MPPE1: variants seen among roughly 807,000 people sequenced by gnomAD.
MPPE1 encodes metallo phosphoesterase.
MPPE1 carries 28 observed loss-of-function variants against 43.8 expected under a neutral mutation model. The observed-to-expected ratio is 0.64, with a 90% CI of 0.47 to 0.88. The LOEUF is 0.88. Among genes scored for constraint, MPPE1 ranks in the 40% least tolerant of loss-of-function variants. The pLI, the probability that MPPE1 is intolerant of heterozygous loss-of-function variation, is 0.00. For synonymous variants in MPPE1, 159 were observed against 188.5 expected (o/e 0.84, Z 1.28); for missense variants, 428 against 492.2 (o/e 0.87, Z 1.23).
intron 4 of MPPE1, among the ~76,000 whole-genome samples, chr18:11,892,200 C>T (rs1215613972): frequency 6.6e-6 from 1 of 151,346 alleles, no homozygotes; most frequent in African/African-American, 2.4e-5. Context: ...ATTATCAGGG[C>T]ATGGTGGTGT....
Position 11,885,915 on chromosome 18 carries a change from T to C in MPPE1, c.868-99A>G, listed in dbSNP as rs759185128. The C allele has an allele frequency of 3.4e-6, 4 of 1,183,602 alleles. No homozygotes were observed. In the East Asian group the frequency reaches 1.1e-4, roughly 32 times the overall value. The allele number at this position is 1,183,602 out of a possible 1,614,324, so 73.3% of individuals were successfully genotyped here. A position where few individuals can be genotyped will look rare whatever the true frequency, so the allele number is the denominator to read the frequency against. On this transcript the variant is annotated intron_variant, in intron 9 of 10. Coordinates refer to ENST00000588072, the MANE Select transcript of MPPE1 (RefSeq NM_023075.6). The stretch of plus-strand genomic sequence containing the variant: ...GGCCGCTGGCCATCGCTTCTTTCCT[T>C]AAATTACATACTAAATCCTTATTTT...
intron 4 of MPPE1, among the ~76,000 whole-genome samples, chr18:11,890,796 C>G (rs1476864767): frequency 6.6e-6 from 1 of 152,174 alleles, no homozygotes; most frequent in East Asian, 1.9e-4. Context: ...CCAGTAAGTT[C>G]TTCATGTGTC....
Position 11,900,764 on chromosome 18 carries a change from A to C in MPPE1, c.-92-3408T>G, listed in dbSNP as rs575117700. 8.6e-5 allele frequency among the ~76,000 whole-genome samples: 13 copies of C among 151,530 alleles called. No individual in the cohort carries two copies. The East Asian group carries it at 2.2e-3, about 25-fold the overall frequency. ...CTACTAAAAATACAAAAAATTAGCC[A>C]GGCGTGGTGGCAGACGCCTGTAGTC... On this transcript the variant is annotated intron_variant, in intron 2 of 10. Transcript: ENST00000588072.
intron 3 of MPPE1, among the ~76,000 whole-genome samples, chr18:11,895,793 G>A (rs996595749): frequency 8.6e-5 from 13 of 151,716 alleles, no homozygotes; most frequent in African/African-American, 3.1e-4. Context: ...TCAAATTCCT[G>A]GCCTCAAGCA....
At chr18:11,907,695 G>A (rs1231467081) in intron 1 of MPPE1, among the ~76,000 whole-genome samples, 1 of 145,538 alleles carries the variant, frequency 6.9e-6, no homozygotes, top group Non-Finnish European at 1.5e-5. Flanking sequence ...TTGTTATGGT[G>A]GGGGCGGGGG....
chr18:11,896,164 C>T, intron 3 of MPPE1, among the ~76,000 whole-genome samples: 1 of 131,736 alleles, frequency 7.6e-6, no homozygotes. Flanking sequence ...TGCAGTGGTG[C>T]AATCTCAGCT....
chr18:11,886,754 G>T lies in MPPE1; in HGVS notation c.703C>A (p.Pro235Thr). The change falls in exon 8 of 11, where the codon CCT becomes ACT. Residue 235 changes from proline (P) to threonine (T), a missense_variant. By Grantham distance (38) the Pro-to-Thr change is conservative (BLOSUM62 -1). Transcript: ENST00000588072. This position sits in a 1 kb window ranked among gnomAD's most constrained non-coding sequence, Gnocchi z 4.1. ...GCAGACGTGGGCAGCAGAGGCCCAG[G>T]TCCACACCGGCTGGAGCCACGTGCC... ...REARGSSRCG[P>T]GPLLPTSAPV... is the part of the protein sequence containing the mutation. 1 of 1,613,288 alleles carries T rather than the reference G, an allele frequency of 6.2e-7. No individual in the cohort carries two copies. Among genetic ancestry groups the T allele is most frequent in the South Asian group, 1.1e-5 (1 of 91,070 alleles).
At chr18:11,887,503 A>G (rs2037468218) in intron 6 of MPPE1, among the ~76,000 whole-genome samples, 1 of 152,232 alleles carries the variant, frequency 6.6e-6, no homozygotes, top group South Asian at 2.1e-4. Flanking sequence ...CACAGAGTGC[A>G]TCAGTGACAT....
chr18:11,893,176 G>C, intron 4 of MPPE1: 1 of 321,048 alleles, frequency 3.1e-6, no homozygotes, highest in Non-Finnish European at 5.7e-6. Context: ...TTTCCCAAGA[G>C]GTTCACAAAA....
intron 2 of MPPE1, among the ~76,000 whole-genome samples, chr18:11,903,337 A>C (rs1182749040): frequency 6.6e-6 from 1 of 152,166 alleles, no homozygotes; most frequent in East Asian, 1.9e-4. Context: ...CAGGAAAAAG[A>C]AAGCCACAGA....
intron 2 of MPPE1, chr18:11,902,809 T>C (rs2143229387): frequency 6.6e-6 from 1 of 152,356 alleles, no homozygotes; most frequent in Non-Finnish European, 1.5e-5. Context: ...CAGCCCAAAG[T>C]GAGGCTCAGG....
rs540647356 is a variant in MPPE1, at chr18:11,886,634, G to A, written c.745-13C>T. 4 of 1,614,122 alleles carry A rather than the reference G, an allele frequency of 2.5e-6. No individual in the cohort carries two copies. The highest frequency in any genetic ancestry group is 3.4e-6 in the Non-Finnish European group (4 of 1,180,024). On this transcript the variant is annotated splice_polypyrimidine_tract_variant and intron_variant, in intron 8 of 10. Transcript: ENST00000588072. The surrounding 1 kb of genome is among the most constrained non-coding windows in gnomAD (Gnocchi z 4.1). Reference sequence around the variant, plus strand: ...ACAGAGGATAATGCTGTCCGGGGTGGAGAGAGGAGTTCAGGCGGCTATCGT... The same window carrying A: ...ACAGAGGATAATGCTGTCCGGGGTGAAGAGAGGAGTTCAGGCGGCTATCGT...
chr18:11,885,795 G>A lies in MPPE1; in HGVS notation c.889C>T (p.Arg297Cys), dbSNP rs372251919. 17 of 1,610,170 alleles carry A rather than the reference G, an allele frequency of 1.1e-5. No homozygotes were observed. The highest frequency in any genetic ancestry group is 4.0e-5 in the African/African-American group (3 of 74,886). ...TGCGTGTGGCCACTGAGAACCAGGC[G>A]CGGCTGGAGCCACCACAGCAGCTGA... is the stretch of plus-strand genomic sequence containing the variant. ...SQKLLWWLQPRLVLSGHTHSA... is the reference protein window; with the variant it reads ...SQKLLWWLQPCLVLSGHTHSA... The change falls in exon 10 of 11, where the codon CGC (arginine) becomes TGC (cysteine). Residue 297 changes from arginine (R) to cysteine (C), a missense_variant. This residue lies in a region of MPPE1 where 379 missense variants were observed against 402.5 expected (regional missense o/e 0.94). Transcript: ENST00000588072.
chr18:11,884,932 C>A (rs2036956340), intron 10 of MPPE1: 4 of 1,293,056 alleles, frequency 3.1e-6, no homozygotes, highest in Admixed American at 2.8e-5. Context: ...AGTGGGGGAT[C>A]CATAACAGAG....
At chr18:11,907,655 CTT>C (rs3048186) in intron 1 of MPPE1, among the ~76,000 whole-genome samples, 3,168 of 112,954 alleles carry the variant, frequency 0.028, 87 homozygotes, top group African/African-American at 0.077. Context: ...CTACACCTGG[CTT>C]TTTTTTTTTT....
intron 4 of MPPE1, chr18:11,891,101 A>C (rs2037946073): frequency 6.6e-6 from 1 of 152,244 alleles, no homozygotes; most frequent in South Asian, 2.1e-4. Flanking sequence ...AAATGTTGTA[A>C]ATCTGGCAAA....
chr18:11,893,298 A>G, intron 4 of MPPE1, 170 bp downstream of exon 4: 1 of 569,462 alleles, frequency 1.8e-6, no homozygotes, highest in Non-Finnish European at 3.1e-6. Flanking sequence ...AATCTTAGAT[A>G]GCCTATGAAT....
At chr18:11,904,165 GAA>G (rs1328622437) in intron 2 of MPPE1, among the ~76,000 whole-genome samples, 2 of 129,150 alleles carry the variant, frequency 1.5e-5, no homozygotes, top group Non-Finnish European at 3.4e-5. Context: ...GAGGACAGTA[GAA>G]AAGGAGAGAA....
At chr18:11,907,592 G>A (rs1235412688) in intron 1 of MPPE1, among the ~76,000 whole-genome samples, 1 of 151,410 alleles carries the variant, frequency 6.6e-6, no homozygotes, top group Non-Finnish European at 1.5e-5. Context: ...CTGCGCTGAA[G>A]CGATCCTTTC....
Sources: allele counts gnomAD v4.1 joint callset (sites outside exome capture counted in the v4.1 genomes callset), GRCh38; gene constraint gnomAD v4.1.1; regional missense constraint gnomAD v4.1.1; non-coding constraint Gnocchi (gnomAD v3.1); transcripts MANE v1.5; gene names NCBI Gene and HGNC (gene_info 2026-07-23, HGNC 2026-07-21).